DIP2A: variants seen among roughly 807,000 people sequenced by gnomAD.
DIP2A encodes DIP2 acetate--CoA ligase A, also known as disco-interacting protein 2 homolog A.
In DIP2A, 85 loss-of-function variants were observed where a neutral mutation model predicts 177.4. The observed-to-expected ratio is 0.48, with a 90% CI of 0.40 to 0.57. The LOEUF (loss-of-function observed/expected upper bound fraction) is 0.57. Among genes scored for constraint, DIP2A ranks in the 20% least tolerant of loss-of-function variants. The probability of loss-of-function intolerance (pLI) is 0.00; values close to 1 mark genes in which losing one functional copy is unlikely to be tolerated. For missense variants in DIP2A, 1,791 were observed against 2,100.2 expected (o/e 0.85, Z 2.88); for synonymous variants, 886 against 881.8 (o/e 1.00, Z -0.08).
chr21:46,560,676 T>TA, intron 32 of DIP2A, 46 bp from the exon 33 acceptor site: 1 of 1,573,642 alleles, frequency 6.4e-7, no homozygotes, highest in Non-Finnish European at 8.6e-7. Flanking sequence ...AACAAGATGT[T>TA]AAGTGAGGCC....
In DIP2A at chr21:46,563,829, A is replaced by C. The variant is rs777493328; in HGVS notation, c.4090-29A>C. 2.5e-6 allele frequency: 4 copies of C among 1,609,808 alleles called. No homozygotes were observed. Among genetic ancestry groups the C allele is most frequent in the African/African-American group, 1.3e-5 (1 of 74,516 alleles). On this transcript the variant is annotated intron_variant, in intron 34 of 37. Transcript: ENST00000417564. The surrounding 1 kb of genome is among the most constrained non-coding windows in gnomAD (Gnocchi z 4.3). ...GAGAGTCTCGTGTCATGTTTTCTTT[A>C]ACAAGGGACATAGCTCTCCTCCTTC...
intron 26 of DIP2A, 109 bp from the exon 27 acceptor site, chr21:46,554,466 C>T: frequency 6.5e-7 from 1 of 1,541,900 alleles, no homozygotes; most frequent in Non-Finnish European, 8.8e-7. Flanking sequence ...CAGGAGTCAC[C>T]CATGCCCCCC....
intron 8 of DIP2A, among the ~76,000 whole-genome samples, chr21:46,516,408 A>G (rs1010144862): frequency 2.2e-5 from 3 of 136,188 alleles, no homozygotes; most frequent in Non-Finnish European, 4.9e-5. Context: ...TATATTTTGC[A>G]TTCTTTCTTA....
intron 1 of DIP2A, among the ~76,000 whole-genome samples, chr21:46,482,128 A>G (rs2056383145): frequency 6.6e-6 from 1 of 152,216 alleles, no homozygotes. Flanking sequence ...ATAAACCTCT[A>G]ACAAGACCGA....
chr21:46,512,605 T>G (rs2058360361), intron 8 of DIP2A, among the ~76,000 whole-genome samples: 1 of 151,070 alleles, frequency 6.6e-6, no homozygotes, highest in Non-Finnish European at 1.5e-5. Context: ...TTTGGCTCAT[T>G]TCTCTGTTTG....
chr21:46,548,174 A>ATG (rs1360982466), intron 21 of DIP2A, among the ~76,000 whole-genome samples: 106 of 144,596 alleles, frequency 7.3e-4, no homozygotes, highest in African/African-American at 2.3e-3. Flanking sequence ...GTGCTCATGC[A>ATG]TGTGTGCGTG....
intron 1 of DIP2A, among the ~76,000 whole-genome samples, chr21:46,466,182 T>G (rs1159881541): frequency 6.6e-6 from 1 of 152,092 alleles, no homozygotes; most frequent in Non-Finnish European, 1.5e-5. Flanking sequence ...ATTTGGAAGA[T>G]CCACATAATT....
intron 8 of DIP2A, among the ~76,000 whole-genome samples, chr21:46,523,393 ATTTTT>A (rs61370008): frequency 1.0e-4 from 9 of 89,892 alleles, no homozygotes; most frequent in South Asian, 4.3e-4. Context: ...CGCCTGGCTA[ATTTTT>A]TTTTTTTTTT....
chr21:46,573,338 G>A (rs185159480), downstream of DIP2A, among the ~76,000 whole-genome samples: 1 of 152,108 alleles, frequency 6.6e-6, no homozygotes, highest in East Asian at 1.9e-4. Context: ...CAAAGACACA[G>A]TATTAATATA....
At chr21:46,482,406 G>T (rs928373021) in intron 1 of DIP2A, among the ~76,000 whole-genome samples, 2 of 152,218 alleles carry the variant, frequency 1.3e-5, no homozygotes, top group Non-Finnish European at 2.9e-5. Flanking sequence ...TTGTGGTGAT[G>T]CTGGTGTAAA....
intron 25 of DIP2A, 89 bp from the exon 26 acceptor site, chr21:46,554,080 A>G (rs1231375305): frequency 2.4e-5 from 35 of 1,483,188 alleles, no homozygotes; most frequent in Non-Finnish European, 3.1e-5. Flanking sequence ...TGTCGTGTGC[A>G]GTGGCGTGCA....
At chr21:46,464,329 G>A (rs922946774) in intron 1 of DIP2A, among the ~76,000 whole-genome samples, 1 of 152,024 alleles carries the variant, frequency 6.6e-6, no homozygotes, top group African/African-American at 2.4e-5. Flanking sequence ...GGAGGCAGAG[G>A]TTGCAGTGAG....
At chr21:46,552,400 T>A (rs1028121140) in intron 25 of DIP2A, among the ~76,000 whole-genome samples, 1 of 152,208 alleles carries the variant, frequency 6.6e-6, no homozygotes, top group Admixed American at 6.5e-5. Context: ...GTTGTGTGCA[T>A]TCCACTGTGC....
chr21:46,509,170 C>T (rs1373020231), intron 6 of DIP2A, 87 bp from the exon 7 acceptor site: 6 of 1,392,896 alleles, frequency 4.3e-6, no homozygotes, highest in Non-Finnish European at 5.7e-6. Context: ...TCTGATGCAT[C>T]GTGTGGTTTG....
intron 1 of DIP2A, among the ~76,000 whole-genome samples, chr21:46,464,327 A>G (rs1175917252): frequency 2.0e-5 from 3 of 152,062 alleles, no homozygotes; most frequent in Non-Finnish European, 4.4e-5. Flanking sequence ...TGGGAGGCAG[A>G]GGTTGCAGTG....
At position 46,565,842 on chromosome 21, in the gene DIP2A, T is replaced by C; in HGVS notation, c.4294T>C (p.Tyr1432His). 2 of 1,613,994 alleles carry C rather than the reference T, an allele frequency of 1.2e-6. No individual in the cohort carries two copies. The highest frequency in any genetic ancestry group is 1.7e-6 in the Non-Finnish European group (2 of 1,179,900). The change falls in exon 36 of 38, where the codon TAC becomes CAC. Residue 1432 changes from tyrosine to histidine, a missense_variant. By Grantham distance (83) the Tyr-to-His change is moderately conservative. Transcript: ENST00000417564. ...ACAGACCATCTGGGCAAGGACCGGC[T>C]ACCTTGGCTTCCTTCGGCGAACAGA... ...DTQTIWARTG[Y>H]LGFLRRTELT...
rs776637658 is a variant in DIP2A at position 46,549,766 on chromosome 21, C to A, written c.2523-5C>A. The A allele has an allele frequency of 1.2e-6, 2 of 1,613,514 alleles. No homozygotes were observed. The highest frequency in any genetic ancestry group is 1.7e-6 in the Non-Finnish European group (2 of 1,179,936). ...GTGTGGCCATTTCCATGTCTCATCCCGCAGGATCGCTGTGTTCTCTGTGAC... is the reference window on the plus strand; with the variant it reads ...GTGTGGCCATTTCCATGTCTCATCCAGCAGGATCGCTGTGTTCTCTGTGAC... On this transcript the variant is annotated splice_polypyrimidine_tract_variant and splice_region_variant and intron_variant, in intron 21 of 37. Transcript: ENST00000417564.
chr21:46,535,136 G>A (rs1054540424), intron 13 of DIP2A, among the ~76,000 whole-genome samples: 1 of 152,150 alleles, frequency 6.6e-6, no homozygotes, highest in African/African-American at 2.4e-5. Flanking sequence ...CTGTAGTTTT[G>A]ACCTCAGCTG....
At chr21:46,562,143 A>C (rs2060687067) in intron 34 of DIP2A, among the ~76,000 whole-genome samples, 1 of 152,186 alleles carries the variant, frequency 6.6e-6, no homozygotes, top group Non-Finnish European at 1.5e-5. Context: ...TTTAGAGTTA[A>C]ATGGAGTGGC....
Sources: allele counts gnomAD v4.1 joint callset (sites outside exome capture counted in the v4.1 genomes callset), GRCh38; gene constraint gnomAD v4.1.1; non-coding constraint Gnocchi (gnomAD v3.1); transcripts MANE v1.5; gene names NCBI Gene and HGNC (gene_info 2026-07-23, HGNC 2026-07-21).